Variants in NEMP2 observed in about 807,000 individuals in gnomAD.
NEMP2 encodes UPF0571 transmembrane protein.
A neutral mutation model predicts 54.2 loss-of-function variants in NEMP2; 53 were observed. The observed-to-expected ratio is 0.98, with a 90% CI of 0.78 to 1.23. The LOEUF is 1.23. Ranked by LOEUF, NEMP2 falls within the 50% of genes most tolerant of loss-of-function variation. The pLI is 0.00. For synonymous variants in NEMP2, 197 were observed against 190.3 expected (o/e 1.04, Z -0.29); for missense variants, 455 against 511.3 (o/e 0.89, Z 1.06).
chr2:190,495,825 C>T, the NEMP2 span, among the ~76,000 whole-genome samples: 2 of 152,112 alleles, frequency 1.3e-5, no homozygotes, highest in South Asian at 4.1e-4. The surrounding 1 kb of genome is among the most constrained non-coding windows in gnomAD (Gnocchi z 4.7). Flanking sequence ...CATTTCTCAC[C>T]GTATAAAAAA....
chr2:190,583,891 C>T, the NEMP2 span, among the ~76,000 whole-genome samples: 4 of 152,224 alleles, frequency 2.6e-5, no homozygotes, highest in African/African-American at 9.6e-5. Context: ...CCCTCTTTGG[C>T]GCCTGGCCAT....
chr2:190,452,283 CAACAAT>C, the NEMP2 span, among the ~76,000 whole-genome samples: 2 of 152,050 alleles, frequency 1.3e-5, no homozygotes, highest in African/African-American at 2.4e-5. Context: ...ACAACAACAA[CAACAAT>C]AACAAAACTC....
At chr2:190,590,444 C>T in the NEMP2 span, among the ~76,000 whole-genome samples, 1 of 152,162 alleles carries the variant, frequency 6.6e-6, no homozygotes, top group Non-Finnish European at 1.5e-5. The surrounding 1 kb of genome is among the most constrained non-coding windows in gnomAD (Gnocchi z 5.1). Flanking sequence ...TTTGATGAAC[C>T]TTCCATGCTC....
the NEMP2 span, among the ~76,000 whole-genome samples, chr2:190,431,219 G>T: frequency 6.6e-6 from 1 of 151,484 alleles, no homozygotes; most frequent in Non-Finnish European, 1.5e-5. This position sits in a 1 kb window ranked among gnomAD's most constrained non-coding sequence, Gnocchi z 4.4. Flanking sequence ...TCACTTCCCA[G>T]ACTGGGCAGC....
chr2:190,528,952 T>C lies in NEMP2; in HGVS notation c.98-3574A>G, dbSNP rs1311501385. On this transcript the variant is annotated intron_variant, in intron 1 of 8. Coordinates refer to ENST00000409150, the MANE Select transcript of NEMP2 (RefSeq NM_001142645.2). This position sits in a 1 kb window ranked among gnomAD's most constrained non-coding sequence, Gnocchi z 4.3. ...GCACTAGGATGATGTAATAGCCTTCTATCTGGCTGGTCTCCCTGCTTCCAG... is the reference window on the plus strand; with the variant it reads ...GCACTAGGATGATGTAATAGCCTTCCATCTGGCTGGTCTCCCTGCTTCCAG... Among the ~76,000 whole-genome samples, 1 of 152,218 alleles carries C rather than the reference T, an allele frequency of 6.6e-6. No individual in the cohort carries two copies. The highest frequency in any genetic ancestry group is 1.5e-5 in the Non-Finnish European group (1 of 68,032).
the NEMP2 span, among the ~76,000 whole-genome samples, chr2:190,583,604 AGGATG>A: frequency 6.6e-6 from 1 of 152,202 alleles, no homozygotes; most frequent in African/African-American, 2.4e-5. Context: ...GATTTCATGT[AGGATG>A]TGCAGGCAAG....
chr2:190,459,349 C>T, the NEMP2 span, among the ~76,000 whole-genome samples: 1 of 152,136 alleles, frequency 6.6e-6, no homozygotes, highest in Non-Finnish European at 1.5e-5. This position sits in a 1 kb window ranked among gnomAD's most constrained non-coding sequence, Gnocchi z 5.3. Context: ...TCAAGTAAAA[C>T]TCTTGAGGCC....
chr2:190,435,573 T>G, the NEMP2 span, among the ~76,000 whole-genome samples: 2 of 152,256 alleles, frequency 1.3e-5, no homozygotes, highest in African/African-American at 4.8e-5. Context: ...ACCTTTATTT[T>G]CTAAAGAATC....
chr2:190,609,785 A>T, the NEMP2 span: 1 of 152,206 alleles, frequency 6.6e-6, no homozygotes, highest in Non-Finnish European at 1.5e-5. The surrounding 1 kb of genome is among the most constrained non-coding windows in gnomAD (Gnocchi z 4.7). Context: ...CTTTCTGGCT[A>T]CTTCCTGCTG....
rs1220320402 is a variant in NEMP2, at chr2:190,506,025, G to A, written c.*3164C>T. ...CCCCTTGTAAATCTGTCTTCTGAGA[G>A]AGAATCTGCTGGTCATATCAAGTCA... On this transcript the variant is annotated 3_prime_UTR_variant, in exon 9 of 9. Transcript: ENST00000409150. The surrounding 1 kb of genome is among the most constrained non-coding windows in gnomAD (Gnocchi z 6.3). 1 of 152,218 alleles carries A rather than the reference G, an allele frequency of 6.6e-6. No individual in the cohort carries two copies. The highest frequency in any genetic ancestry group is 2.4e-5 in the African/African-American group (1 of 41,452). The allele number at this position is 152,218 out of a possible 1,614,324, so 9.4% of individuals were successfully genotyped here.
chr2:190,422,003 A>T, the NEMP2 span, among the ~76,000 whole-genome samples: 1 of 152,082 alleles, frequency 6.6e-6, no homozygotes, highest in African/African-American at 2.4e-5. Flanking sequence ...TGACTTCCCA[A>T]TGTAGCTATA....
the NEMP2 span, among the ~76,000 whole-genome samples, chr2:190,498,891 T>A: frequency 5.3e-5 from 8 of 152,214 alleles, no homozygotes; most frequent in African/African-American, 1.9e-4. The surrounding 1 kb of genome is among the most constrained non-coding windows in gnomAD (Gnocchi z 5.9). Flanking sequence ...GGCTTATGCC[T>A]GTAATCCAAG....
the NEMP2 span, among the ~76,000 whole-genome samples, chr2:190,599,533 T>C: frequency 3.9e-5 from 6 of 152,232 alleles, no homozygotes. Context: ...TATCAGTCAG[T>C]AGGAATAGTA....
At chr2:190,424,352 T>G in the NEMP2 span, among the ~76,000 whole-genome samples, 1 of 152,154 alleles carries the variant, frequency 6.6e-6, no homozygotes, top group South Asian at 2.1e-4. This position sits in a 1 kb window ranked among gnomAD's most constrained non-coding sequence, Gnocchi z 5.9. Context: ...TATTTTTTTT[T>G]CAGACAGAGT....
chr2:190,492,319 G>T, the NEMP2 span, among the ~76,000 whole-genome samples: 1 of 152,192 alleles, frequency 6.6e-6, no homozygotes, highest in Non-Finnish European at 1.5e-5. This position sits in a 1 kb window ranked among gnomAD's most constrained non-coding sequence, Gnocchi z 5.2. Context: ...TCATTGCAAA[G>T]AGATCATTGC....
chr2:190,525,387 T>A lies in NEMP2; in HGVS notation c.98-9A>T. The A allele has an allele frequency of 6.9e-7, 1 of 1,456,324 alleles. No homozygotes were observed. Among genetic ancestry groups the A allele is most frequent in the Non-Finnish European group, 9.4e-7 (1 of 1,066,358 alleles). The allele number at this position is 1,456,324 out of a possible 1,614,324, so 90.2% of individuals were successfully genotyped here. A position where few individuals can be genotyped will look rare whatever the true frequency, so the allele number is the denominator to read the frequency against. ...AGCTTTACACCTACGAACTGAGAGA[T>A]GGAAAAGGGAATGCATTTTCTAACT... is the stretch of plus-strand genomic sequence containing the variant. On this transcript the variant is annotated splice_polypyrimidine_tract_variant and intron_variant, in intron 1 of 8. Coordinates refer to ENST00000409150, the MANE Select transcript of NEMP2 (RefSeq NM_001142645.2). This position sits in a 1 kb window ranked among gnomAD's most constrained non-coding sequence, Gnocchi z 5.0.
At position 190,514,387 on chromosome 2, in the gene NEMP2, C is replaced by T. The variant is rs1690475352; in HGVS notation, c.953+66G>A. The T allele has an allele frequency of 5.9e-6, 8 of 1,359,114 alleles. No individual in the cohort carries two copies. The highest frequency in any genetic ancestry group is 8.2e-6 in the Non-Finnish European group (8 of 975,028). The allele number at this position is 1,359,114 out of a possible 1,614,324, so 84.2% of individuals were successfully genotyped here. A position where few individuals can be genotyped will look rare whatever the true frequency, so the allele number is the denominator to read the frequency against. ...GAGATTAACATGATGTGTGCAAACA[C>T]TCTCCCAAATAATAAAACTAGAGCT... On this transcript the variant is annotated intron_variant, in intron 7 of 8. Transcript: ENST00000409150. The surrounding 1 kb of genome is among the most constrained non-coding windows in gnomAD (Gnocchi z 5.7).
Position 190,510,276 on chromosome 2 carries a change from C to A in NEMP2, c.1130+85G>T. On this transcript the variant is annotated intron_variant, in intron 8 of 8. Transcript: ENST00000409150. The surrounding 1 kb of genome is among the most constrained non-coding windows in gnomAD (Gnocchi z 5.7). The stretch of plus-strand genomic sequence containing the variant: ...ATCCAGGGAAACAGTCTATTTCTAC[C>A]CTGAAGTGCCTGTACCAAACCATCA... 3.4e-6 allele frequency: 5 copies of A among 1,457,874 alleles called. No individual in the cohort carries two copies. The highest frequency in any genetic ancestry group is 4.6e-6 in the Non-Finnish European group (5 of 1,077,678). The allele number at this position is 1,457,874 out of a possible 1,614,324, so 90.3% of individuals were successfully genotyped here. A position where few individuals can be genotyped will look rare whatever the true frequency, so the allele number is the denominator to read the frequency against.
the NEMP2 span, among the ~76,000 whole-genome samples, chr2:190,472,850 C>T: frequency 6.6e-6 from 1 of 152,290 alleles, no homozygotes; most frequent in South Asian, 2.1e-4. Flanking sequence ...GGTCGGGTTA[C>T]CCACAAAGGG....
Sources: allele counts gnomAD v4.1 joint callset (sites outside exome capture counted in the v4.1 genomes callset), GRCh38; gene constraint gnomAD v4.1.1; non-coding constraint Gnocchi (gnomAD v3.1); transcripts MANE v1.5; gene names NCBI Gene and HGNC (gene_info 2026-07-23, HGNC 2026-07-21).